ADK: variants seen among roughly 807,000 people sequenced by gnomAD.
ADK encodes the protein adenosine kinase, also known as N6,N6-dimethyladenosine kinase.
ADK carries 24 observed loss-of-function variants against 44.7 expected under a neutral mutation model. That is an observed-to-expected ratio of 0.54 (90% CI 0.39 to 0.76). The LOEUF (loss-of-function observed/expected upper bound fraction) is 0.76. Among genes scored for constraint, ADK ranks in the 30% least tolerant of loss-of-function variants. The pLI is 0.00. For synonymous variants in ADK, 128 were observed against 142.6 expected (o/e 0.90, Z 0.73); for missense variants, 321 against 425.1 (o/e 0.76, Z 2.15).
chr10:74,526,761 A>G (rs1849058362), intron 7 of ADK, among the ~76,000 whole-genome samples: 1 of 152,238 alleles, frequency 6.6e-6, no homozygotes, highest in African/African-American at 2.4e-5. Flanking sequence ...GATACTGGCA[A>G]GAAATAGTGG....
chr10:74,634,284 G>T (rs931910649), intron 9 of ADK, among the ~76,000 whole-genome samples: 1 of 151,790 alleles, frequency 6.6e-6, no homozygotes. Flanking sequence ...GCGCGATCTC[G>T]GCTCACTACA....
At chr10:74,325,867 C>CT (rs1168465809) in intron 4 of ADK, among the ~76,000 whole-genome samples, 1 of 146,194 alleles carries the variant, frequency 6.8e-6, no homozygotes, top group East Asian at 2.0e-4. Context: ...TTTTTTTTTT[C>CT]TTTTTTAAGA....
intron 9 of ADK, among the ~76,000 whole-genome samples, chr10:74,612,591 A>T (rs539479553): frequency 6.6e-6 from 1 of 152,148 alleles, no homozygotes; most frequent in African/African-American, 2.4e-5. Context: ...CTGTCTGTTT[A>T]TTTTGTTGAT....
At chr10:74,161,698 C>T (rs2132037454) in intron 1 of ADK, among the ~76,000 whole-genome samples, 1 of 151,162 alleles carries the variant, frequency 6.6e-6, no homozygotes, top group Admixed American at 6.6e-5. Context: ...GAATTCTTAA[C>T]ACTTTTTTTT....
At chr10:74,603,749 C>T (rs1424469542) in intron 9 of ADK, among the ~76,000 whole-genome samples, 3 of 152,100 alleles carry the variant, frequency 2.0e-5, no homozygotes, top group African/African-American at 4.8e-5. Context: ...ATTTATAATC[C>T]TTTGGGTATA....
intron 7 of ADK, among the ~76,000 whole-genome samples, chr10:74,566,888 A>G (rs1258276967): frequency 6.6e-6 from 1 of 152,218 alleles, no homozygotes; most frequent in Non-Finnish European, 1.5e-5. Context: ...AAATCTACTC[A>G]CTGACTTAGA....
At chr10:74,263,723 A>G (rs1169855635) in intron 3 of ADK, among the ~76,000 whole-genome samples, 1 of 152,208 alleles carries the variant, frequency 6.6e-6, no homozygotes, top group Non-Finnish European at 1.5e-5. Flanking sequence ...ATATATTCAT[A>G]AGCAATATGA....
chr10:74,434,287 G>A (rs1300980940), intron 6 of ADK, among the ~76,000 whole-genome samples: 3 of 152,100 alleles, frequency 2.0e-5, no homozygotes, highest in Non-Finnish European at 4.4e-5. Flanking sequence ...TACACCACTG[G>A]TGATAGAAAA....
intron 1 of ADK, among the ~76,000 whole-genome samples, chr10:74,158,407 C>G (rs1841812817): frequency 6.6e-6 from 1 of 152,156 alleles, no homozygotes; most frequent in African/African-American, 2.4e-5. Flanking sequence ...AGCTATATTT[C>G]TGAAATCCCA....
intron 1 of ADK, among the ~76,000 whole-genome samples, chr10:74,177,300 T>C (rs1002470492): frequency 6.6e-6 from 1 of 152,184 alleles, no homozygotes; most frequent in Non-Finnish European, 1.5e-5. Context: ...GGAGCAGACC[T>C]GCAAAGTTGG....
chr10:74,203,901 A>G (rs1198290602), intron 2 of ADK, among the ~76,000 whole-genome samples: 2 of 148,420 alleles, frequency 1.3e-5, no homozygotes, highest in Non-Finnish European at 3.0e-5. Flanking sequence ...TAAATACATG[A>G]TTAAGTCTTC....
At chr10:74,485,879 A>G (rs1847248722) in intron 6 of ADK, among the ~76,000 whole-genome samples, 1 of 152,204 alleles carries the variant, frequency 6.6e-6, no homozygotes, top group Non-Finnish European at 1.5e-5. Flanking sequence ...TTTCAATGCA[A>G]TTCTGATTAA....
intron 6 of ADK, among the ~76,000 whole-genome samples, chr10:74,492,316 A>C (rs937015498): frequency 1.3e-5 from 2 of 152,158 alleles, no homozygotes; most frequent in Admixed American, 1.3e-4. Context: ...CACATGTTAC[A>C]TTTAGTTGTC....
At chr10:74,590,375 A>G (rs1353370002) in intron 8 of ADK, among the ~76,000 whole-genome samples, 1 of 152,162 alleles carries the variant, frequency 6.6e-6, no homozygotes, top group Non-Finnish European at 1.5e-5. Context: ...AGAGAAAGAT[A>G]TTATATGAGT....
intron 4 of ADK, among the ~76,000 whole-genome samples, chr10:74,330,683 G>C (rs746757595): frequency 6.2e-4 from 94 of 152,146 alleles, no homozygotes; most frequent in Admixed American, 2.7e-3. Flanking sequence ...GTCAGCCTTT[G>C]AAGACACCCA....
intron 2 of ADK, among the ~76,000 whole-genome samples, chr10:74,211,913 C>T (rs1013630909): frequency 2.0e-4 from 31 of 152,016 alleles, no homozygotes; most frequent in African/African-American, 7.5e-4. Flanking sequence ...TATTTTTCTA[C>T]AACATATTCT....
At chr10:74,389,034 T>A (rs1208668614) in intron 4 of ADK, among the ~76,000 whole-genome samples, 1 of 152,208 alleles carries the variant, frequency 6.6e-6, no homozygotes, top group African/African-American at 2.4e-5. Flanking sequence ...CTATCAGAGA[T>A]CACAGTCCTA....
At chr10:74,364,272 T>C (rs1194699921) in intron 4 of ADK, among the ~76,000 whole-genome samples, 3 of 152,236 alleles carry the variant, frequency 2.0e-5, no homozygotes, top group Non-Finnish European at 4.4e-5. Flanking sequence ...GTTGTAAATG[T>C]GCTCCTATCC....
At chr10:74,607,348 T>G (rs1852360546) in intron 9 of ADK, among the ~76,000 whole-genome samples, 1 of 152,246 alleles carries the variant, frequency 6.6e-6, no homozygotes, top group Admixed American at 6.5e-5. Flanking sequence ...CAATTTGGTA[T>G]GTTTTTGCAG....
Sources: gnomAD v4.1 joint callset for allele counts (sites outside exome capture counted in the v4.1 genomes callset) on GRCh38, gnomAD v4.1.1 for gene constraint, MANE v1.5 for transcripts, NCBI Gene and HGNC (gene_info 2026-07-23, HGNC 2026-07-21) for gene names.